TRIM58: variants seen among roughly 807,000 people sequenced by gnomAD.
TRIM58 encodes the protein E3 ubiquitin-protein ligase TRIM58.
In TRIM58, 38 loss-of-function variants were observed where a neutral mutation model predicts 34.1. The observed-to-expected ratio is 1.12, with a 90% confidence interval of 0.86 to 1.46. The LOEUF is 1.46. Ranked by LOEUF, TRIM58 falls within the 40% of genes most tolerant of loss-of-function variation. TRIM58 has a pLI of 0.00. For synonymous variants in TRIM58, 273 were observed against 275.7 expected, an observed-to-expected ratio of 0.99 and a Z score of 0.10; for missense variants, 677 against 642.0, an observed-to-expected ratio of 1.05 and a Z score of -0.59.
Position 247,868,670 on chromosome 1 carries a change from C to T in TRIM58, c.871+607C>T, listed in dbSNP as rs181221147. ...GACCAACTGACTGTAAACTGGGGTT[C>T]CCACAACCCTCTTCTTGAGTTCACT... On this transcript the variant is annotated intron_variant, in intron 5 of 5. Transcript: ENST00000366481. Among the ~76,000 whole-genome samples, 28 of 152,258 alleles carry T rather than the reference C, an allele frequency of 1.8e-4. No homozygotes were observed. The East Asian group carries it at 5.4e-3, about 29-fold the overall frequency.
rs1057120290 is a variant in TRIM58, at chr1:247,878,847, A to T, written c.*2358A>T. Among the ~76,000 whole-genome samples the T allele has an allele frequency of 6.6e-6, 1 of 152,152 alleles. No individual in the cohort carries two copies. The highest frequency in any genetic ancestry group is 2.4e-5 in the African/African-American group (1 of 41,446). On this transcript the variant is annotated 3_prime_UTR_variant, in exon 6 of 6. Coordinates refer to ENST00000366481, the MANE Select transcript of TRIM58 (RefSeq NM_015431.4). ...CACTGTGCATATTATTGTGGTTTAT[A>T]TCAGTCAGTAAACCAATGTGAGTCT...
chr1:247,867,755 G>A, intron 3 of TRIM58, 90 bp from the exon 4 acceptor site: 1 of 1,451,810 alleles, frequency 6.9e-7, no homozygotes, highest in Non-Finnish European at 9.6e-7. Flanking sequence ...TTTTGCAGTA[G>A]TTTCTAAGGA....
rs2103339911 is a variant in TRIM58, at chr1:247,878,969, C to A, written c.*2480C>A. 6.6e-6 allele frequency among the ~76,000 whole-genome samples: 1 copy of A among 152,326 alleles called. No homozygotes were observed. The highest frequency in any genetic ancestry group is 2.1e-4 in the South Asian group (1 of 4,830). On this transcript the variant is annotated 3_prime_UTR_variant, in exon 6 of 6. Coordinates refer to ENST00000366481, the MANE Select transcript of TRIM58 (RefSeq NM_015431.4). ...TCCTGAAAGATTGCCACTATTTCCT[C>A]TGGAACTTTGTTTCGTTACCAGCAA...
rs1470946705 is a variant in TRIM58, at chr1:247,877,964, T to G, written c.*1475T>G. On this transcript the variant is annotated 3_prime_UTR_variant, in exon 6 of 6. Transcript: ENST00000366481. ...TCACGAGGTCAGGAGATTGAGACCA[T>G]CCTGGCTAACACAGTGAAACCCCGT... is the stretch of plus-strand genomic sequence containing the variant. 3 of 151,900 alleles carry G rather than the reference T, an allele frequency of 2.0e-5. No homozygotes were observed. The highest frequency in any genetic ancestry group is 2.1e-4 in the South Asian group (1 of 4,818). 9.4% of individuals were successfully genotyped at this position (151,900 alleles called of 1,614,324 possible). A position where few individuals can be genotyped will look rare whatever the true frequency, so the allele number is the denominator to read the frequency against.
Position 247,864,668 on chromosome 1 carries a change from C to T in TRIM58, c.517-37C>T, listed in dbSNP as rs766566040. On this transcript the variant is annotated intron_variant, in intron 2 of 5. Coordinates refer to ENST00000366481, the MANE Select transcript of TRIM58 (RefSeq NM_015431.4). ...CTGTCCTGTACATGGCTGCTGGAGG[C>T]CAAGCACTGACGATGTGATCCACGG... is the stretch of plus-strand genomic sequence containing the variant. The T allele has an allele frequency of 2.7e-5, 43 of 1,603,912 alleles. No homozygotes were observed. In the South Asian group the frequency reaches 4.4e-4, roughly 16 times the overall value.
rs1663670107 is a variant in TRIM58, at chr1:247,857,677, C to A, written c.420+11C>A. 3 of 1,224,288 alleles carry A rather than the reference C, an allele frequency of 2.5e-6. No individual in the cohort carries two copies. The highest frequency in any genetic ancestry group is 3.1e-6 in the Non-Finnish European group (3 of 983,148). 75.8% of individuals were successfully genotyped at this position (1,224,288 alleles called of 1,614,324 possible). A position where few individuals can be genotyped will look rare whatever the true frequency, so the allele number is the denominator to read the frequency against. ...GCCGGCAGCTACCAGGTGAGGCGCC[C>A]CCCGGCGGGGGCTGCGGGCGCTGCG... On this transcript the variant is annotated intron_variant, in intron 1 of 5. Transcript: ENST00000366481.
At chr1:247,872,931 A>T (rs1222661777) in intron 5 of TRIM58, among the ~76,000 whole-genome samples, 1 of 152,212 alleles carries the variant, frequency 6.6e-6, no homozygotes. Context: ...CAGAAAAATC[A>T]TTGAAGATGA....
At chr1:247,863,732 C>T (rs780496907) in intron 2 of TRIM58, among the ~76,000 whole-genome samples, 3 of 152,074 alleles carry the variant, frequency 2.0e-5, no homozygotes, top group South Asian at 2.1e-4. Flanking sequence ...AGTTAGTTTT[C>T]GATATACTTA....
chr1:247,872,978 C>A (rs888152270), intron 5 of TRIM58, among the ~76,000 whole-genome samples: 1 of 152,178 alleles, frequency 6.6e-6, no homozygotes, highest in African/African-American at 2.4e-5. Context: ...GCCTGTAAAT[C>A]CCTGCACTTT....
chr1:247,868,743 T>C (rs567137129), intron 5 of TRIM58, among the ~76,000 whole-genome samples: 12 of 152,310 alleles, frequency 7.9e-5, no homozygotes, highest in African/African-American at 2.9e-4. Context: ...TATTTACTCA[T>C]TTATTATAAG....
chr1:247,864,764 T>G lies in TRIM58; in HGVS notation c.576T>G (p.Phe192Leu). The G allele has an allele frequency of 1.2e-6, 2 of 1,614,160 alleles. No individual in the cohort carries two copies. The highest frequency in any genetic ancestry group is 1.7e-6 in the Non-Finnish European group (2 of 1,180,026). The part of the protein sequence containing the change: ...FRLEFEKHRG[F>L]LAQEEQRQLR... ...TGGAGTTTGAGAAGCATCGTGGCTT[T>G]CTGGCCCAGGAGGAGCAACGGCAGC... The change falls in exon 3 of 6, where the codon TTT (phenylalanine) becomes TTG (leucine). Residue 192 changes from phenylalanine to leucine, a missense_variant. By Grantham distance (22) the Phe-to-Leu change is conservative. Transcript: ENST00000366481.
Position 247,877,738 on chromosome 1 carries a change from T to G in TRIM58, c.*1249T>G. The stretch of plus-strand genomic sequence containing the variant: ...ATTCAGCTTTTCCATTTAAATACAT[T>G]ATAATGATGATGATGAAATCATGAT... On this transcript the variant is annotated 3_prime_UTR_variant, in exon 6 of 6. Coordinates refer to ENST00000366481, the MANE Select transcript of TRIM58 (RefSeq NM_015431.4). The G allele has an allele frequency of 6.6e-6, 1 of 152,314 alleles. No individual in the cohort carries two copies. The highest frequency in any genetic ancestry group is 2.4e-5 in the African/African-American group (1 of 41,564). 9.4% of individuals were successfully genotyped at this position (152,314 alleles called of 1,614,324 possible).
intron 5 of TRIM58, among the ~76,000 whole-genome samples, chr1:247,871,788 G>A (rs930782984): frequency 4.6e-5 from 7 of 152,142 alleles, no homozygotes; most frequent in South Asian, 2.1e-4. Context: ...TCTACAATCC[G>A]TAGCTTTGTG....
rs780214228 is a variant in TRIM58, at chr1:247,857,274, C to T, written c.28C>T (p.Leu10=). The T allele has an allele frequency of 4.9e-5, 66 of 1,357,134 alleles. No individual in the cohort carries two copies. The highest frequency in any genetic ancestry group is 6.3e-5 in the Non-Finnish European group (66 of 1,047,430). The allele number at this position is 1,357,134 out of a possible 1,614,324, so 84.1% of individuals were successfully genotyped here. A position where few individuals can be genotyped will look rare whatever the true frequency, so the allele number is the denominator to read the frequency against. MAWAPPGER[L]REDARCPVCL... is the part of the protein sequence containing the mutation. ...GGCCTGGGCGCCGCCCGGGGAGCGGCTGCGCGAGGATGCGCGGTGCCCGGT... is the reference window on the plus strand; with the variant it reads ...GGCCTGGGCGCCGCCCGGGGAGCGGTTGCGCGAGGATGCGCGGTGCCCGGT... The change falls in exon 1 of 6, where the codon CTG becomes TTG. Residue 10 remains leucine, a synonymous_variant. Transcript: ENST00000366481.
chr1:247,879,860 C>T lies in TRIM58; in HGVS notation c.*3371C>T, dbSNP rs922653489. On this transcript the variant is annotated 3_prime_UTR_variant, in exon 6 of 6. Transcript: ENST00000366481. ...ACACAGCCCTACTCCCCCCAGAGCC[C>T]ATCTAGAGCTCACCTTTCCAGTCGC... Among the ~76,000 whole-genome samples, 1 of 151,940 alleles carries T rather than the reference C, an allele frequency of 6.6e-6. No homozygotes were observed. The highest frequency in any genetic ancestry group is 1.5e-5 in the Non-Finnish European group (1 of 68,008).
rs1182470912 is a variant in TRIM58, at chr1:247,879,977, C to A, written c.*3488C>A. ...GCTTATTTAATTTATGTATGTTTTG[C>A]CTTTTTGTGCTAAATGTAAACACCA... On this transcript the variant is annotated 3_prime_UTR_variant, in exon 6 of 6. Transcript: ENST00000366481. Among the ~76,000 whole-genome samples the A allele has an allele frequency of 1.3e-5, 2 of 151,776 alleles. No homozygotes were observed. The highest frequency in any genetic ancestry group is 4.8e-5 in the African/African-American group (2 of 41,296).
At position 247,857,372 on chromosome 1, in the gene TRIM58, G is replaced by C; in HGVS notation, c.126G>C (p.Glu42Asp). 3.9e-6 allele frequency: 6 copies of C among 1,526,492 alleles called. No homozygotes were observed. The highest frequency in any genetic ancestry group is 4.4e-6 in the Non-Finnish European group (5 of 1,135,760). The allele number at this position is 1,526,492 out of a possible 1,614,324, so 94.6% of individuals were successfully genotyped here. A position where few individuals can be genotyped will look rare whatever the true frequency, so the allele number is the denominator to read the frequency against. The change falls in exon 1 of 6, where the codon GAG (glutamate) becomes GAC (aspartate). Residue 42 changes from glutamate (E) to aspartate (D), a missense_variant. By Grantham distance (45) the Glu-to-Asp change is conservative. Coordinates refer to ENST00000366481, the MANE Select transcript of TRIM58 (RefSeq NM_015431.4). ...GCTTCTGCCTCAGGTGCATCTCCGA[G>C]TTCTGCGAGAAGTCGGACGGCGCGC... The part of the protein sequence containing the change: ...GHSFCLRCIS[E>D]FCEKSDGAQG...
intron 2 of TRIM58, among the ~76,000 whole-genome samples, chr1:247,863,377 A>C (rs1024252661): frequency 1.3e-5 from 2 of 152,086 alleles, no homozygotes; most frequent in Non-Finnish European, 2.9e-5. Flanking sequence ...GTCTCTACTA[A>C]AAATACAAAA....
At chr1:247,869,177 G>A (rs1304987196) in intron 5 of TRIM58, among the ~76,000 whole-genome samples, 1 of 152,214 alleles carries the variant, frequency 6.6e-6, no homozygotes, top group Non-Finnish European at 1.5e-5. Context: ...TGAGATGACA[G>A]GCGTGAGCCA....
Sources: allele counts gnomAD v4.1 joint callset (sites outside exome capture counted in the v4.1 genomes callset), GRCh38; gene constraint gnomAD v4.1.1; transcripts MANE v1.5; gene names NCBI Gene and HGNC (gene_info 2026-07-23, HGNC 2026-07-21).